IKBKB: variants seen among roughly 807,000 people sequenced by gnomAD.
IKBKB encodes inhibitor of nuclear factor kappa-B kinase subunit beta.
Under a neutral mutation model 113.6 loss-of-function variants are expected in IKBKB, and 42 were observed. That is an observed-to-expected ratio of 0.37 (90% confidence interval 0.29 to 0.48). The LOEUF (loss-of-function observed/expected upper bound fraction) is 0.48, where lower values mean the gene tolerates loss of function less well. IKBKB is among the 20% of genes least tolerant of loss of function. The pLI is 0.99. For synonymous variants in IKBKB, 296 were observed against 361.3 expected, an observed-to-expected ratio of 0.82 and a Z score of 2.05; for missense variants, 673 against 939.7, an observed-to-expected ratio of 0.72 and a Z score of 3.71.
intron 6 of IKBKB, 45 bp from the exon 7 acceptor site, chr8:42,306,298 A>G: frequency 1.7e-6 from 2 of 1,193,942 alleles, no homozygotes; most frequent in Non-Finnish European, 2.5e-6. Context: ...GTAGAAGGAC[A>G]TTGTGTTCTT....
In IKBKB at chr8:42,319,573, AT is replaced by A. The variant is rs757013237; in HGVS notation, c.1517-4del. On this transcript the variant is annotated splice_polypyrimidine_tract_variant and intron_variant, in intron 14 of 21. Transcript: ENST00000520810. ...TGTTTTGTTTTGTTTTTCCTTCTCAATTTTTTTTCAGCATCAGATAAACTGC... is the reference window on the plus strand; with the variant it reads ...TGTTTTGTTTTGTTTTTCCTTCTCAATTTTTTTCAGCATCAGATAAACTGC... 5.1e-6 allele frequency: 8 copies of A among 1,579,410 alleles called. No individual in the cohort carries two copies. Among genetic ancestry groups the A allele is most frequent in the Admixed American group, 1.9e-5 (1 of 52,076 alleles).
Position 42,331,056 on chromosome 8 carries a change from A to G in IKBKB, c.*77A>G, listed in dbSNP as rs1032976791. 3.8e-6 allele frequency: 6 copies of G among 1,589,292 alleles called. No homozygotes were observed. The African/African-American group carries it at 4.0e-5, about 11-fold the overall frequency. On this transcript the variant is annotated 3_prime_UTR_variant, in exon 22 of 22. Coordinates refer to ENST00000520810, the MANE Select transcript of IKBKB (RefSeq NM_001556.3). ...CAGTGGGGGGACTCGACCCCCTGAC[A>G]TGGGGCTGCCTGGAGCAGGCCGCGT... is the stretch of plus-strand genomic sequence containing the variant.
rs11780598 is a variant in IKBKB at position 42,280,130 on chromosome 8, G to A, written c.105+7925G>A. Among the ~76,000 whole-genome samples the A allele has an allele frequency of 5.8e-3, 891 of 152,332 alleles. 7 individuals carry two copies. The highest frequency in any genetic ancestry group is 0.02 in the Middle Eastern group (6 of 294). ...CCCAAAGTGCTGGGATTTCAGGCAT[G>A]AGCCACTGTGCTTGGTTGAAAAACA... On this transcript the variant is annotated intron_variant, in intron 2 of 21. Transcript: ENST00000520810.
In IKBKB at chr8:42,326,080, T is replaced by G. The variant is rs1367461337; in HGVS notation, c.2097T>G (p.Pro699=). The G allele has an allele frequency of 1.9e-6, 3 of 1,614,070 alleles. No homozygotes were observed. Among genetic ancestry groups the G allele is most frequent in the African/African-American group, 2.7e-5 (2 of 74,952 alleles). Residue 699 remains proline (P), a synonymous_variant, in exon 20 of 22, where the codon CCT becomes CCG. Transcript: ENST00000520810. ...SQPSTASNSL[P]EPAKKSEELV... ...CCTCCACGGCCTCCAACAGCTTACC[T>G]GAGCCAGCCAAGAAGAGGTAGGTCC... is the stretch of plus-strand genomic sequence containing the variant.
chr8:42,306,711 GA>G (rs749532263), intron 7 of IKBKB, among the ~76,000 whole-genome samples: 10 of 152,226 alleles, frequency 6.6e-5, no homozygotes, highest in Non-Finnish European at 1.2e-4. Context: ...TCTCTGAAAG[GA>G]AAGGGTTTTA....
chr8:42,305,557 C>T (rs1032277448), intron 6 of IKBKB, among the ~76,000 whole-genome samples: 7 of 152,152 alleles, frequency 4.6e-5, no homozygotes, highest in African/African-American at 1.4e-4. Context: ...CTGGGACTAG[C>T]GCTTCTTGGA....
At position 42,331,220 on chromosome 8, in the gene IKBKB, G is replaced by T; in HGVS notation, c.*241G>T. On this transcript the variant is annotated 3_prime_UTR_variant, in exon 22 of 22. Transcript: ENST00000520810. ...CCCAGGACCCAGGACGCAGCCCTCCGTGGGCACTGCCGGCGCCTTGTCTGC... is the reference window on the plus strand; with the variant it reads ...CCCAGGACCCAGGACGCAGCCCTCCTTGGGCACTGCCGGCGCCTTGTCTGC... 1 of 728,120 alleles carries T rather than the reference G, an allele frequency of 1.4e-6. No individual in the cohort carries two copies. Among genetic ancestry groups the T allele is most frequent in the Non-Finnish European group, 2.4e-6 (1 of 409,620 alleles). 45.1% of individuals were successfully genotyped at this position (728,120 alleles called of 1,614,324 possible).
chr8:42,280,742 G>A (rs1455460773), intron 2 of IKBKB, among the ~76,000 whole-genome samples: 1 of 152,168 alleles, frequency 6.6e-6, no homozygotes, highest in Non-Finnish European at 1.5e-5. Context: ...GGGGCCCTGC[G>A]GGATGCTCGT....
chr8:42,316,176 A>T lies in IKBKB; in HGVS notation c.801-34A>T. The stretch of plus-strand genomic sequence containing the variant: ...ACACTGTAGCCCAACATTGGCTGGA[A>T]GTGTCTCCTCACACACTATGCTCCT... On this transcript the variant is annotated intron_variant, in intron 9 of 21. Coordinates refer to ENST00000520810, the MANE Select transcript of IKBKB (RefSeq NM_001556.3). This position sits in a 1 kb window ranked among gnomAD's most constrained non-coding sequence, Gnocchi z 4.5. 6.2e-7 allele frequency: 1 copy of T among 1,610,008 alleles called. No individual in the cohort carries two copies.
At chr8:42,321,500 T>C (rs1819774977) in intron 16 of IKBKB, 2 of 163,852 alleles carry the variant, frequency 1.2e-5, no homozygotes, top group South Asian at 3.6e-4. Flanking sequence ...CCCTTTATTC[T>C]CCTCTAGTTC....
intron 2 of IKBKB, among the ~76,000 whole-genome samples, chr8:42,282,145 T>C (rs182659603): frequency 5.2e-4 from 79 of 152,306 alleles, no homozygotes; most frequent in Non-Finnish European, 5.0e-4. Context: ...GGACCCTTTC[T>C]CCGTTTTCTC....
intron 5 of IKBKB, among the ~76,000 whole-genome samples, chr8:42,295,781 T>G (rs770932240): frequency 1.3e-5 from 2 of 152,150 alleles, no homozygotes; most frequent in African/African-American, 4.8e-5. Context: ...CCTCATATGG[T>G]TGTTTATTCT....
chr8:42,322,786 C>A (rs1820008769), intron 19 of IKBKB, among the ~76,000 whole-genome samples: 3 of 152,198 alleles, frequency 2.0e-5, no homozygotes, highest in Admixed American at 2.0e-4. Context: ...CATGGTGACT[C>A]ATGCCTGTAA....
At chr8:42,277,028 G>A (rs1809284407) in intron 2 of IKBKB, among the ~76,000 whole-genome samples, 1 of 150,858 alleles carries the variant, frequency 6.6e-6, no homozygotes, top group Non-Finnish European at 1.5e-5. Flanking sequence ...CACCACCCCC[G>A]ACTAATTTTT....
At chr8:42,328,253 T>C (rs919526863) in intron 20 of IKBKB, among the ~76,000 whole-genome samples, 4 of 151,386 alleles carry the variant, frequency 2.6e-5, no homozygotes, top group African/African-American at 9.7e-5. Context: ...GGCCCTTTTT[T>C]TTTTTTTTTT....
At position 42,331,212 on chromosome 8, in the gene IKBKB, A is replaced by G. The variant is rs200218265; in HGVS notation, c.*233A>G. On this transcript the variant is annotated 3_prime_UTR_variant, in exon 22 of 22. Transcript: ENST00000520810. The stretch of plus-strand genomic sequence containing the variant: ...GACTTTCACCCAGGACCCAGGACGC[A>G]GCCCTCCGTGGGCACTGCCGGCGCC... 10 of 747,628 alleles carry G rather than the reference A, an allele frequency of 1.3e-5. No individual in the cohort carries two copies. The highest frequency in any genetic ancestry group is 2.3e-5 in the Non-Finnish European group (10 of 427,618). The allele number at this position is 747,628 out of a possible 1,614,324, so 46.3% of individuals were successfully genotyped here. A position where few individuals can be genotyped will look rare whatever the true frequency, so the allele number is the denominator to read the frequency against.
At position 42,331,521 on chromosome 8, in the gene IKBKB, AACAG is replaced by A. The variant is rs1821681903; in HGVS notation, c.*547_*550del. ...TTTCTTCTGGATTCAGCTTCTCCTA[AACAG>A]ACAGTTTAATTATAGTTGCGGCCTG... On this transcript the variant is annotated 3_prime_UTR_variant, in exon 22 of 22. Coordinates refer to ENST00000520810, the MANE Select transcript of IKBKB (RefSeq NM_001556.3). 3.1e-6 allele frequency: 2 copies of A among 644,704 alleles called. No homozygotes were observed. The highest frequency in any genetic ancestry group is 2.4e-5 in the Admixed American group (1 of 42,116). The allele number at this position is 644,704 out of a possible 1,614,324, so 39.9% of individuals were successfully genotyped here.
In IKBKB at chr8:42,290,140, G is replaced by A; in HGVS notation, c.201-16G>A. The A allele has an allele frequency of 6.3e-7, 1 of 1,596,806 alleles. No homozygotes were observed. The highest frequency in any genetic ancestry group is 8.6e-7 in the Non-Finnish European group (1 of 1,164,784). On this transcript the variant is annotated splice_polypyrimidine_tract_variant and intron_variant, in intron 3 of 21. Transcript: ENST00000520810. ...CAGGAGCCTGGGTCTGCTCTCATCG[G>A]TTTTCCTCCTCCTAGGCTGACCCAC... is the stretch of plus-strand genomic sequence containing the variant.
intron 5 of IKBKB, among the ~76,000 whole-genome samples, chr8:42,295,275 C>T (rs1401756738): frequency 6.6e-6 from 1 of 152,044 alleles, no homozygotes; most frequent in Non-Finnish European, 1.5e-5. Flanking sequence ...CACACCACCA[C>T]ACCTGGCTAA....
Sources: allele counts gnomAD v4.1 joint callset (sites outside exome capture counted in the v4.1 genomes callset), GRCh38; gene constraint gnomAD v4.1.1; non-coding constraint Gnocchi (gnomAD v3.1); transcripts MANE v1.5; gene names NCBI Gene and HGNC (gene_info 2026-07-23, HGNC 2026-07-21).